Variants in UGT1A5 observed in about 807,000 individuals in gnomAD.
The protein encoded by UGT1A5 is UDP-glucuronosyltransferase 1A5.
UGT1A5 carries 29 observed loss-of-function variants against 40.3 expected under a neutral mutation model. The ratio of observed to expected loss-of-function variants is 0.72; its 90% CI spans 0.54 to 0.98. The LOEUF (loss-of-function observed/expected upper bound fraction) is 0.98. Among genes scored for constraint, UGT1A5 ranks in the 50% least tolerant of loss-of-function variants. The probability of loss-of-function intolerance (pLI) is 0.00; values close to 1 mark genes in which losing one functional copy is unlikely to be tolerated. For missense variants in UGT1A5, 678 were observed against 677.9 expected (o/e 1.00, Z 0.00); for synonymous variants, 257 against 262.5 (o/e 0.98, Z 0.20).
intron 1 of UGT1A5, among the ~76,000 whole-genome samples, chr2:233,723,516 CT>C (rs1162916866): frequency 0.039 from 3,290 of 85,380 alleles, 164 homozygotes; most frequent in African/African-American, 0.1. Flanking sequence ...GGTCAACAAT[CT>C]TTTTTTTTTT....
intron 1 of UGT1A5, among the ~76,000 whole-genome samples, chr2:233,737,465 G>A (rs1434915889): frequency 6.6e-6 from 1 of 152,178 alleles, no homozygotes; most frequent in African/African-American, 2.4e-5. Context: ...AGTCTGTCAT[G>A]GCTCCCCTTG....
At chr2:233,772,141 A>G in intron 4 of UGT1A5, 121 bp from the exon 5 acceptor site, 1 of 1,549,926 alleles carries the variant, frequency 6.5e-7, no homozygotes, top group South Asian at 1.2e-5. Context: ...CAATAATAGA[A>G]ACAGGTTTCC....
chr2:233,765,207 A>G (rs1013371126), intron 1 of UGT1A5, among the ~76,000 whole-genome samples: 18 of 152,214 alleles, frequency 1.2e-4, no homozygotes, highest in Non-Finnish European at 1.5e-5. Context: ...TAGTGCCCTC[A>G]GTATTCTTTG....
chr2:233,756,339 T>G (rs1013422836), intron 1 of UGT1A5: 3 of 152,244 alleles, frequency 2.0e-5, no homozygotes, highest in Non-Finnish European at 4.4e-5. Context: ...TAGTCATCTC[T>G]TGATTACTTT....
intron 1 of UGT1A5, chr2:233,747,116 T>G: frequency 6.9e-7 from 1 of 1,446,720 alleles, no homozygotes; most frequent in South Asian, 1.3e-5. Context: ...CATGATGATT[T>G]GCTAAGTGGC....
At chr2:233,767,675 C>G (rs1273555402) in intron 2 of UGT1A5, among the ~76,000 whole-genome samples, 174 bp from the exon 3 acceptor site, 1 of 152,180 alleles carries the variant, frequency 6.6e-6, no homozygotes, top group Non-Finnish European at 1.5e-5. Context: ...ACTAAACCTC[C>G]AAAACAAGAT....
chr2:233,719,027 C>CA (rs779192742), intron 1 of UGT1A5: 8 of 1,614,110 alleles, frequency 5.0e-6, no homozygotes, highest in African/African-American at 1.3e-5. Flanking sequence ...ATATGCACAT[C>CA]AAAGAAGAGA....
intron 1 of UGT1A5, chr2:233,718,679 A>C: frequency 6.4e-7 from 1 of 1,568,142 alleles, no homozygotes; most frequent in Non-Finnish European, 8.6e-7. Context: ...ATGGGTAATA[A>C]GTAACTGGAG....
Position 233,767,067 on chromosome 2 carries a change from C to G in UGT1A5, c.901C>G (p.His301Asp). ...FEAYINASGE[H>D]GIVVFSLGSM... The stretch of plus-strand genomic sequence containing the variant: ...AGCCTACATTAATGCTTCTGGAGAA[C>G]ATGGAATTGTGGTTTTCTCTTTGGG... Residue 301 changes from histidine to aspartate, a missense_variant, in exon 2 of 5, where the codon CAT becomes GAT. Coordinates refer to ENST00000373414, the MANE Select transcript of UGT1A5 (RefSeq NM_019078.2). The G allele has an allele frequency of 6.2e-7, 1 of 1,614,098 alleles. No individual in the cohort carries two copies. Among genetic ancestry groups the G allele is most frequent in the East Asian group, 2.2e-5 (1 of 44,866 alleles).
chr2:233,743,215 C>T (rs1225035803), intron 1 of UGT1A5: 38 of 407,424 alleles, frequency 9.3e-5, no homozygotes, highest in Non-Finnish European at 1.6e-4. Context: ...GGAGTAACTG[C>T]TCTTTGCTAT....
At chr2:233,714,225 G>T (rs1207260034) in intron 1 of UGT1A5, among the ~76,000 whole-genome samples, 1 of 152,186 alleles carries the variant, frequency 6.6e-6, no homozygotes, top group Non-Finnish European at 1.5e-5. Flanking sequence ...TTGCTGGCAA[G>T]ATTTTCAGTA....
chr2:233,735,210 C>T (rs1481104383), intron 1 of UGT1A5, among the ~76,000 whole-genome samples: 2 of 152,078 alleles, frequency 1.3e-5, no homozygotes, highest in Non-Finnish European at 2.9e-5. Context: ...GTATTGGGTG[C>T]ATATATATTT....
intron 1 of UGT1A5, among the ~76,000 whole-genome samples, chr2:233,752,866 C>G (rs1227879768): frequency 6.6e-6 from 1 of 152,186 alleles, no homozygotes; most frequent in Non-Finnish European, 1.5e-5. Context: ...TTTGTGTTAG[C>G]TTTCAACTGT....
At position 233,773,221 on chromosome 2, in the gene UGT1A5, T is replaced by C. The variant is rs1191094075; in HGVS notation, c.*662T>C. ...ATTTGATAAAAACCCAAAATACAGC[T>C]ATGAAGTGCTGGGCAAGTTTACTTT... On this transcript the variant is annotated 3_prime_UTR_variant, in exon 5 of 5. Coordinates refer to ENST00000373414, the MANE Select transcript of UGT1A5 (RefSeq NM_019078.2). The C allele has an allele frequency of 6.6e-6, 1 of 152,384 alleles. No individual in the cohort carries two copies. The highest frequency in any genetic ancestry group is 2.4e-5 in the African/African-American group (1 of 41,462). 9.4% of individuals were successfully genotyped at this position (152,384 alleles called of 1,614,324 possible). A position where few individuals can be genotyped will look rare whatever the true frequency, so the allele number is the denominator to read the frequency against.
In UGT1A5 at chr2:233,754,989, C is replaced by G. The variant is rs749655557; in HGVS notation, c.868-12045C>G. On this transcript the variant is annotated intron_variant, in intron 1 of 4. Coordinates refer to ENST00000373414, the MANE Select transcript of UGT1A5 (RefSeq NM_019078.2). ...CTCCCTGAAGACCTCGGCGGGGTCACGGAAGCTGAAGACCTACTCGAAGGG... is the reference window on the plus strand; with the variant it reads ...CTCCCTGAAGACCTCGGCGGGGTCAGGGAAGCTGAAGACCTACTCGAAGGG... 2.3e-6 allele frequency: 3 copies of G among 1,296,678 alleles called. No individual in the cohort carries two copies. The South Asian group carries it at 3.5e-5, about 15-fold the overall frequency. The allele number at this position is 1,296,678 out of a possible 1,614,324, so 80.3% of individuals were successfully genotyped here. A position where few individuals can be genotyped will look rare whatever the true frequency, so the allele number is the denominator to read the frequency against.
intron 1 of UGT1A5, chr2:233,761,121 C>T (rs1672783934): frequency 6.2e-7 from 1 of 1,614,054 alleles, no homozygotes; most frequent in South Asian, 1.1e-5. Context: ...TTGGTGGAAT[C>T]AACTGCCTTC....
At chr2:233,749,910 C>A (rs1694301201) in intron 1 of UGT1A5, among the ~76,000 whole-genome samples, 1 of 151,934 alleles carries the variant, frequency 6.6e-6, no homozygotes, top group South Asian at 2.1e-4. Context: ...CCACCTGGAA[C>A]TGTGAGTCAA....
At chr2:233,745,472 G>T (rs1454081365) in intron 1 of UGT1A5, among the ~76,000 whole-genome samples, 5 of 151,704 alleles carry the variant, frequency 3.3e-5, no homozygotes, top group Non-Finnish European at 7.4e-5. Flanking sequence ...AGGGGAAAAT[G>T]ATTAACCAAA....
At chr2:233,770,826 A>G (rs1269125180) in intron 4 of UGT1A5, 5 of 152,196 alleles carry the variant, frequency 3.3e-5, no homozygotes, top group Admixed American at 3.3e-4. Context: ...CTGTTCTTGC[A>G]TTGCTGTAAA....
Sources: gnomAD v4.1 joint callset for allele counts (sites outside exome capture counted in the v4.1 genomes callset) on GRCh38, gnomAD v4.1.1 for gene constraint, MANE v1.5 for transcripts, NCBI Gene and HGNC (gene_info 2026-07-23, HGNC 2026-07-21) for gene names.